Variants in RNF169 observed in about 807,000 individuals in gnomAD.
The protein encoded by RNF169 is ring finger protein 169.
Under a neutral mutation model 53.9 loss-of-function variants are expected in RNF169, and 24 were observed. The observed-to-expected ratio is 0.45, with a 90% CI of 0.32 to 0.63. The LOEUF is 0.63. Ranked by LOEUF, RNF169 falls within the 20% of genes least tolerant of loss-of-function variation. RNF169 has a pLI of 0.04. For missense variants in RNF169, 883 were observed against 906.2 expected (o/e 0.97, Z 0.33); for synonymous variants, 396 against 363.5 (o/e 1.09, Z -1.02).
At chr11:74,810,142 AGTTGCCTAAAACTACTGT>A in intron 2 of RNF169, 24 bp from the exon 3 acceptor site, 1 of 1,542,546 alleles carries the variant, frequency 6.5e-7, no homozygotes, top group Non-Finnish European at 8.8e-7. Flanking sequence ...TTAAGTTTAG[AGTTGCCTAAAACTACTGT>A]GTTTGCATAA....
intron 4 of RNF169, among the ~76,000 whole-genome samples, chr11:74,829,168 T>C (rs1366383014): frequency 6.6e-6 from 1 of 151,890 alleles, no homozygotes; most frequent in East Asian, 1.9e-4. Flanking sequence ...GCCACCCCAG[T>C]AAAAAGTGGA....
At chr11:74,777,342 C>T (rs1591398412) in intron 1 of RNF169, among the ~76,000 whole-genome samples, 1 of 152,090 alleles carries the variant, frequency 6.6e-6, no homozygotes, top group East Asian at 1.9e-4. Flanking sequence ...AAACTTAATT[C>T]CAAAGGATTT....
At chr11:74,822,058 G>C (rs1414823050) in intron 4 of RNF169, among the ~76,000 whole-genome samples, 1 of 151,744 alleles carries the variant, frequency 6.6e-6, no homozygotes, top group Non-Finnish European at 1.5e-5. Flanking sequence ...GTGTGTGTGT[G>C]ACAGGATGGA....
intron 1 of RNF169, among the ~76,000 whole-genome samples, chr11:74,774,128 C>T (rs928118664): frequency 1.3e-5 from 2 of 151,892 alleles, no homozygotes; most frequent in Non-Finnish European, 2.9e-5. Context: ...TCACTTGAGG[C>T]CAGGAGTTCG....
chr11:74,786,032 C>T (rs1378719869), intron 1 of RNF169, among the ~76,000 whole-genome samples: 2 of 151,378 alleles, frequency 1.3e-5, no homozygotes, highest in African/African-American at 4.9e-5. Flanking sequence ...GCTCTGCCTC[C>T]CAGGTTCACA....
At chr11:74,802,388 G>T (rs1801965305) in intron 2 of RNF169, among the ~76,000 whole-genome samples, 1 of 152,224 alleles carries the variant, frequency 6.6e-6, no homozygotes, top group Admixed American at 6.5e-5. Flanking sequence ...TCTCACGCTT[G>T]TAATTCCAGC....
intron 1 of RNF169, among the ~76,000 whole-genome samples, chr11:74,787,486 C>G (rs1256925657): frequency 6.6e-6 from 1 of 152,140 alleles, no homozygotes; most frequent in Non-Finnish European, 1.5e-5. Flanking sequence ...AAGGTTTCAG[C>G]ACTCATGGTG....
intron 2 of RNF169, among the ~76,000 whole-genome samples, chr11:74,804,187 G>A (rs934463846): frequency 1.3e-5 from 2 of 152,190 alleles, no homozygotes; most frequent in African/African-American, 4.8e-5. Flanking sequence ...CCTAGTCTGA[G>A]TGAGTGGGTA....
intron 4 of RNF169, among the ~76,000 whole-genome samples, chr11:74,818,653 C>A (rs1051525263): frequency 3.3e-5 from 5 of 152,142 alleles, no homozygotes; most frequent in African/African-American, 1.2e-4. Flanking sequence ...TTCAGCCTCC[C>A]AAAATGCTGG....
intron 4 of RNF169, among the ~76,000 whole-genome samples, chr11:74,818,401 C>CT (rs545532340): frequency 2.5e-4 from 37 of 149,242 alleles, no homozygotes; most frequent in Admixed American, 1.9e-3. Flanking sequence ...AAGATACAAT[C>CT]TTTTTTTTTT....
At chr11:74,802,127 TG>T (rs1174870132) in intron 2 of RNF169, among the ~76,000 whole-genome samples, 1 of 152,164 alleles carries the variant, frequency 6.6e-6, no homozygotes, top group Non-Finnish European at 1.5e-5. Context: ...TTTAACCAGT[TG>T]AGATAAGAAA....
At chr11:74,814,617 C>T (rs551569420) in intron 3 of RNF169, among the ~76,000 whole-genome samples, 79 of 151,918 alleles carry the variant, frequency 5.2e-4, no homozygotes, top group African/African-American at 1.3e-3. Flanking sequence ...TCTTGAACTC[C>T]GGGGCTCAAG....
intron 3 of RNF169, among the ~76,000 whole-genome samples, chr11:74,810,696 T>G (rs1319183218): frequency 6.6e-6 from 1 of 152,250 alleles, no homozygotes. Flanking sequence ...TCTTAAAGCA[T>G]GTATTTTACT....
chr11:74,777,510 T>G (rs571912972), intron 1 of RNF169, among the ~76,000 whole-genome samples: 1 of 152,314 alleles, frequency 6.6e-6, no homozygotes, highest in East Asian at 1.9e-4. Context: ...CTTGCTGCTT[T>G]GACTGTGCTG....
intron 3 of RNF169, among the ~76,000 whole-genome samples, chr11:74,812,286 GTTT>G (rs904348216): frequency 6.6e-6 from 1 of 150,938 alleles, no homozygotes; most frequent in African/African-American, 2.4e-5. Context: ...TTCTTATATA[GTTT>G]TTTTTTGTTT....
intron 4 of RNF169, among the ~76,000 whole-genome samples, chr11:74,822,342 C>G (rs1277276324): frequency 6.6e-6 from 1 of 152,120 alleles, no homozygotes; most frequent in Non-Finnish European, 1.5e-5. Context: ...TACTGGCTAA[C>G]CCTGCTTTCC....
rs562214413 is a variant in RNF169, at chr11:74,821,424, C to A, written c.842+3710C>A. On this transcript the variant is annotated intron_variant, in intron 4 of 5. Coordinates refer to ENST00000299563, the MANE Select transcript of RNF169 (RefSeq NM_001098638.2). The stretch of plus-strand genomic sequence containing the variant: ...CTGTAATCCCAGCACTTTGGGAGGC[C>A]GAGGCGGGCGGATCACGAGGTCAGG... Among the ~76,000 whole-genome samples the A allele has an allele frequency of 9.5e-5, 12 of 126,132 alleles. 4 individuals are homozygous for A. The East Asian group carries it at 2.6e-3, about 27-fold the overall frequency. The allele number at this position is 126,132 out of a possible 152,430, so 82.7% of individuals were successfully genotyped here. A position where few individuals can be genotyped will look rare whatever the true frequency, so the allele number is the denominator to read the frequency against.
At chr11:74,781,206 G>GTA (rs1160690011) in intron 1 of RNF169, among the ~76,000 whole-genome samples, 1 of 152,216 alleles carries the variant, frequency 6.6e-6, no homozygotes, top group African/African-American at 2.4e-5. Flanking sequence ...AGAATGAGCT[G>GTA]TAGAAGCTTT....
intron 4 of RNF169, among the ~76,000 whole-genome samples, chr11:74,834,390 ATC>A (rs1269411465): frequency 1.3e-5 from 2 of 152,190 alleles, no homozygotes; most frequent in East Asian, 3.8e-4. Context: ...AAGTATCTAC[ATC>A]TCTCTAAGCA....
Sources: allele counts gnomAD v4.1 joint callset (sites outside exome capture counted in the v4.1 genomes callset), GRCh38; gene constraint gnomAD v4.1.1; transcripts MANE v1.5; gene names NCBI Gene and HGNC (gene_info 2026-07-23, HGNC 2026-07-21).